MMP26: variants seen among roughly 807,000 people sequenced by gnomAD.
MMP26 encodes matrix metalloproteinase-26.
MMP26 carries 33 observed loss-of-function variants against 31.0 expected under a neutral mutation model. The observed-to-expected ratio is 1.06, with a 90% CI of 0.81 to 1.42. The LOEUF (loss-of-function observed/expected upper bound fraction) is 1.42, where lower values mean the gene tolerates loss of function less well. Ranked by LOEUF, MMP26 falls within the 40% of genes most tolerant of loss-of-function variation. MMP26 has a pLI of 0.00. For missense variants in MMP26, 347 were observed against 316.1 expected (o/e 1.10, Z -0.74); for synonymous variants, 122 against 114.9 (o/e 1.06, Z -0.40).
At chr11:4,976,916 T>G (rs746401103) in intron 2 of MMP26, among the ~76,000 whole-genome samples, 1 of 152,086 alleles carries the variant, frequency 6.6e-6, no homozygotes, top group Non-Finnish European at 1.5e-5. Context: ...TTTGTGCCAC[T>G]GTGAGTTTTC....
chr11:4,834,008 T>TTAA (rs1020396500), intron 2 of MMP26, among the ~76,000 whole-genome samples: 2 of 152,106 alleles, frequency 1.3e-5, no homozygotes, highest in Non-Finnish European at 1.5e-5. Context: ...GGTAGATCTA[T>TTAA]TAATATATCA....
intron 2 of MMP26, among the ~76,000 whole-genome samples, chr11:4,807,567 C>A (rs1189955940): frequency 7.7e-6 from 1 of 130,016 alleles, no homozygotes; most frequent in South Asian, 2.3e-4. Flanking sequence ...AGTTGAACAA[C>A]GAGAACACAT....
At chr11:4,849,836 G>T (rs1849949100) in intron 2 of MMP26, among the ~76,000 whole-genome samples, 1 of 151,972 alleles carries the variant, frequency 6.6e-6, no homozygotes, top group Admixed American at 6.6e-5. Context: ...TTATACATGG[G>T]TATTTAAAAT....
chr11:4,801,265 T>G (rs1849177305), intron 2 of MMP26, among the ~76,000 whole-genome samples: 1 of 152,194 alleles, frequency 6.6e-6, no homozygotes, highest in South Asian at 2.1e-4. Context: ...CTATACTTGG[T>G]ACAAATTTCC....
intron 2 of MMP26, among the ~76,000 whole-genome samples, chr11:4,786,044 C>G (rs529256144): frequency 3.9e-5 from 6 of 152,132 alleles, no homozygotes; most frequent in African/African-American, 1.4e-4. Flanking sequence ...TCTTGATGGA[C>G]CTGGGGAAAC....
chr11:4,738,823 T>C (rs1001256841), intron 1 of MMP26, among the ~76,000 whole-genome samples: 12 of 152,190 alleles, frequency 7.9e-5, no homozygotes, highest in African/African-American at 2.7e-4. Flanking sequence ...AAAACCTCTA[T>C]GATCATGGAA....
chr11:4,942,089 C>CAAAAAAAAAAAATAAAAAAA (rs1846216909), intron 2 of MMP26, among the ~76,000 whole-genome samples: 1 of 37,122 alleles, frequency 2.7e-5, no homozygotes, highest in African/African-American at 1.1e-4. Context: ...GAGTCCATCT[C>CAAAAAAAAAAAATAAAAAAA]AAAAAAAAAA....
At chr11:4,974,020 T>C (rs887540786) in intron 2 of MMP26, 1 of 151,892 alleles carries the variant, frequency 6.6e-6, no homozygotes, top group Admixed American at 6.6e-5. Context: ...GACATAATTC[T>C]TAGACACAAA....
intron 2 of MMP26, among the ~76,000 whole-genome samples, chr11:4,858,556 C>T (rs1367975402): frequency 2.6e-5 from 4 of 152,100 alleles, no homozygotes; most frequent in Non-Finnish European, 5.9e-5. Flanking sequence ...CAAACCACTG[C>T]TCAACAAAAT....
At chr11:4,707,873 T>A (rs1052743977) in intron 1 of MMP26, among the ~76,000 whole-genome samples, 6 of 152,172 alleles carry the variant, frequency 3.9e-5, no homozygotes, top group Non-Finnish European at 7.4e-5. Context: ...TGAGAAAAAA[T>A]GGTCCTTATA....
intron 2 of MMP26, chr11:4,915,292 G>A (rs772294718): frequency 6.2e-7 from 1 of 1,613,974 alleles, no homozygotes; most frequent in Admixed American, 1.7e-5. Context: ...AGCGGTCAAA[G>A]GCCATAGACA....
At chr11:4,823,008 A>G (rs1849531437) in intron 2 of MMP26, among the ~76,000 whole-genome samples, 1 of 151,968 alleles carries the variant, frequency 6.6e-6, no homozygotes, top group South Asian at 2.1e-4. Flanking sequence ...GGATAACACT[A>G]TTTTTCATTT....
intron 1 of MMP26, chr11:4,709,419 A>T (rs1387220514): frequency 2.9e-6 from 1 of 339,448 alleles, no homozygotes; most frequent in East Asian, 7.5e-5. Context: ...AGAAAACAGT[A>T]AGTGGCTATG....
intron 2 of MMP26, among the ~76,000 whole-genome samples, chr11:4,801,013 TCTTCA>T (rs1386798847): frequency 1.3e-5 from 2 of 152,216 alleles, no homozygotes; most frequent in Non-Finnish European, 2.9e-5. Context: ...TGTCCATATT[TCTTCA>T]CTTCACTTCA....
chr11:4,726,955 G>T (rs920144956), intron 1 of MMP26, among the ~76,000 whole-genome samples: 2 of 152,164 alleles, frequency 1.3e-5, no homozygotes, highest in African/African-American at 4.8e-5. Context: ...ATTTGAGGTT[G>T]CCGTGAACTA....
intron 2 of MMP26, among the ~76,000 whole-genome samples, chr11:4,794,699 T>C (rs530212703): frequency 6.6e-6 from 1 of 152,318 alleles, no homozygotes; most frequent in African/African-American, 2.4e-5. Flanking sequence ...ACTCTCATTC[T>C]AAGCTAAACC....
intron 1 of MMP26, among the ~76,000 whole-genome samples, chr11:4,760,071 T>A (rs1262636410): frequency 6.6e-6 from 1 of 152,176 alleles, no homozygotes; most frequent in East Asian, 1.9e-4. Flanking sequence ...AGATAAAGAG[T>A]ATTTTATTTT....
chr11:4,790,255 C>G (rs188238394), intron 2 of MMP26, among the ~76,000 whole-genome samples: 9 of 150,768 alleles, frequency 6.0e-5, no homozygotes, highest in Admixed American at 2.0e-4. Context: ...GCAGGAGAAT[C>G]TCTTAAACCT....
chr11:4,898,034 T>A (rs1376631457), intron 2 of MMP26, among the ~76,000 whole-genome samples: 2 of 150,736 alleles, frequency 1.3e-5, no homozygotes, highest in Non-Finnish European at 3.0e-5. Flanking sequence ...TCTTTTCTGT[T>A]CATTCCAGTT....
Sources: gnomAD v4.1 joint callset for allele counts (sites outside exome capture counted in the v4.1 genomes callset) on GRCh38, gnomAD v4.1.1 for gene constraint, MANE v1.5 for transcripts, NCBI Gene and HGNC (gene_info 2026-07-23, HGNC 2026-07-21) for gene names.